The following ATP12A variants were observed in gnomAD, a reference collection of about 807,000 sequenced individuals.
The protein encoded by ATP12A is ATPase H+/K+ transporting non-gastric alpha2 subunit, also known as potassium-transporting ATPase alpha chain 2.
Under a neutral mutation model 111.2 loss-of-function variants are expected in ATP12A, and 81 were observed. The ratio of observed to expected loss-of-function variants is 0.73; its 90% CI spans 0.61 to 0.88. The LOEUF is 0.88. ATP12A is among the 40% of genes least tolerant of loss of function. The probability of loss-of-function intolerance (pLI) is 0.00; values close to 1 mark genes in which losing one functional copy is unlikely to be tolerated. For synonymous variants in ATP12A, 498 were observed against 499.8 expected (o/e 1.00, Z 0.05); for missense variants, 1,196 against 1,313.1 (o/e 0.91, Z 1.38).
intron 17 of ATP12A, among the ~76,000 whole-genome samples, chr13:24,708,932 A>G (rs926108548): frequency 7.0e-6 from 1 of 142,116 alleles, no homozygotes; most frequent in African/African-American, 2.8e-5. Flanking sequence ...AAAGAAAGAA[A>G]GAAAGAAAGA....
Position 24,690,319 on chromosome 13 carries a change from T to C in ATP12A, c.547-19T>C, listed in dbSNP as rs770196358. 6.8e-6 allele frequency: 11 copies of C among 1,612,324 alleles called. No individual in the cohort carries two copies. Among genetic ancestry groups the C allele is most frequent in the Admixed American group, 1.7e-5 (1 of 59,810 alleles). On this transcript the variant is annotated intron_variant, in intron 5 of 22. Coordinates refer to ENST00000381946, the MANE Select transcript of ATP12A (RefSeq NM_001676.7). ...GTCCTTCCAGGGTCTGAGGCATCTG[T>C]CATGGTTTTTTTCTGCAGCAAGCTC...
Position 24,680,728 on chromosome 13 carries a change from GCGCC to G in ATP12A, c.-15_-12del. On this transcript the variant is annotated 5_prime_UTR_variant, in exon 1 of 23. Coordinates refer to ENST00000381946, the MANE Select transcript of ATP12A (RefSeq NM_001676.7). ...CCGCGCTCCACGCCCGCAGCCCGCG[GCGCC>G]ACCAGCCCAGCATGCACCAGGTGCG... 6.7e-7 allele frequency: 1 copy of G among 1,501,950 alleles called. No homozygotes were observed. Among genetic ancestry groups the G allele is most frequent in the Non-Finnish European group, 8.8e-7 (1 of 1,132,934 alleles). 93.0% of individuals were successfully genotyped at this position (1,501,950 alleles called of 1,614,324 possible).
chr13:24,706,879 T>C (rs1202948216), intron 15 of ATP12A, 144 bp from the exon 16 acceptor site: 1 of 920,396 alleles, frequency 1.1e-6, no homozygotes, highest in Non-Finnish European at 1.6e-6. Flanking sequence ...TTCTCATCTT[T>C]ATCTTTTCCC....
intron 14 of ATP12A, 133 bp from the exon 15 acceptor site, chr13:24,706,180 C>G: frequency 8.4e-7 from 1 of 1,189,588 alleles, no homozygotes; most frequent in South Asian, 1.6e-5. Context: ...TGTTACCTCA[C>G]TAGAGCATTA....
At chr13:24,700,594 T>A (rs143422111) in intron 12 of ATP12A, among the ~76,000 whole-genome samples, 153 bp from the exon 13 acceptor site, 2 of 152,222 alleles carry the variant, frequency 1.3e-5, no homozygotes, top group African/African-American at 4.8e-5. Flanking sequence ...CCTAAAAAAA[T>A]GCATTATGGA....
intron 10 of ATP12A, among the ~76,000 whole-genome samples, chr13:24,693,911 C>T (rs956212593): frequency 6.6e-6 from 1 of 152,322 alleles, no homozygotes; most frequent in Non-Finnish European, 1.5e-5. Flanking sequence ...CCGGTTTATC[C>T]CTCCTGGGGT....
chr13:24,680,569 C>A lies in ATP12A; in HGVS notation c.-175C>A. On this transcript the variant is annotated 5_prime_UTR_variant, in exon 1 of 23. The change creates a new upstream start codon in the 5' untranslated region. Transcript: ENST00000381946. ...TGGTGCCACCTCCCCGGTGCAGCGGCTGGCGATCGGCCGCGGAGGTGCGTG... is the reference window on the plus strand; with the variant it reads ...TGGTGCCACCTCCCCGGTGCAGCGGATGGCGATCGGCCGCGGAGGTGCGTG... The A allele has an allele frequency of 1.6e-6, 1 of 627,240 alleles. No homozygotes were observed. Among genetic ancestry groups the A allele is most frequent in the Non-Finnish European group, 2.5e-6 (1 of 397,662 alleles). 38.9% of individuals were successfully genotyped at this position (627,240 alleles called of 1,614,324 possible). A position where few individuals can be genotyped will look rare whatever the true frequency, so the allele number is the denominator to read the frequency against.
chr13:24,694,306 C>CA, intron 10 of ATP12A, 138 bp from the exon 11 acceptor site: 2 of 1,112,736 alleles, frequency 1.8e-6, no homozygotes, highest in Non-Finnish European at 2.6e-6. Context: ...CACGGTCTTG[C>CA]GGCCCTCCCT....
At chr13:24,697,757 T>C (rs1875228146) in intron 11 of ATP12A, among the ~76,000 whole-genome samples, 1 of 152,110 alleles carries the variant, frequency 6.6e-6, no homozygotes, top group East Asian at 1.9e-4. Context: ...GTTGGTTGGT[T>C]GGTTTTCTCA....
intron 14 of ATP12A, among the ~76,000 whole-genome samples, chr13:24,705,458 G>A (rs774734198): frequency 2.0e-5 from 3 of 152,226 alleles, no homozygotes; most frequent in Non-Finnish European, 4.4e-5. Flanking sequence ...AGGCAGCTCT[G>A]CATAATCAAT....
At chr13:24,688,633 A>G in intron 4 of ATP12A, 111 bp downstream of exon 4, 1 of 1,096,084 alleles carries the variant, frequency 9.1e-7, no homozygotes. Flanking sequence ...AAAGTCAGGC[A>G]TTTTCCCAGC....
chr13:24,692,461 C>CAAG lies in ATP12A; in HGVS notation c.1107_1109dup (p.Lys369dup). The stretch of plus-strand genomic sequence containing the variant: ...TGTCGCTGACAGCAAAACGGATGGC[C>CAAG]AAGAAGAACTGCCTGGTGAAGAACC... On this transcript the variant is annotated inframe_insertion, in exon 9 of 23. Transcript: ENST00000381946. 1 of 1,614,036 alleles carries CAAG rather than the reference C, an allele frequency of 6.2e-7. No homozygotes were observed.
chr13:24,681,900 TGTG>T (rs2137684193), intron 2 of ATP12A, among the ~76,000 whole-genome samples, 180 bp downstream of exon 2: 1 of 149,668 alleles, frequency 6.7e-6, no homozygotes, highest in South Asian at 2.1e-4. Context: ...GTGGTGTATG[TGTG>T]GTGTGTGTGT....
At chr13:24,706,532 G>T (rs1413537387) in intron 15 of ATP12A, 69 bp downstream of exon 15, 1 of 1,562,076 alleles carries the variant, frequency 6.4e-7, no homozygotes, top group Non-Finnish European at 8.7e-7. Flanking sequence ...CAGAGGTCTG[G>T]ATCTCACATC....
chr13:24,690,580 A>C (rs1157964208), intron 6 of ATP12A, 24 bp from the exon 7 acceptor site: 1 of 1,604,756 alleles, frequency 6.2e-7, no homozygotes, highest in Non-Finnish European at 8.5e-7. Flanking sequence ...CCCAGCTGTG[A>C]ACCACCTTCA....
intron 2 of ATP12A, among the ~76,000 whole-genome samples, chr13:24,683,456 A>C (rs1874555765): frequency 6.6e-6 from 1 of 152,224 alleles, no homozygotes; most frequent in African/African-American, 2.4e-5. Context: ...AAGTATTCAG[A>C]AACTTGGCAG....
In ATP12A at chr13:24,711,327, C is replaced by G; in HGVS notation, c.3009C>G (p.Tyr1003Ter). The G allele has an allele frequency of 1.9e-6, 3 of 1,600,846 alleles. No homozygotes were observed. The highest frequency in any genetic ancestry group is 2.6e-6 in the Non-Finnish European group (3 of 1,172,756). ...ALSFTMLRAQ[Y>*]WFVAVPHAIL... ...ATCCCTTTGCTTCCAGGGCTCAGTA[C>G]TGGTTTGTGGCTGTGCCGCACGCCA... The change falls in exon 22 of 23, where the codon TAC becomes TAG. Residue 1003 changes from tyrosine (Y) to a stop codon, truncating the protein, a stop_gained. Transcript: ENST00000381946. LOFTEE classifies it high-confidence loss of function.
At chr13:24,690,496 C>T (rs1874841117) in intron 6 of ATP12A, 24 bp downstream of exon 6, 1 of 1,612,360 alleles carries the variant, frequency 6.2e-7, no homozygotes, top group Admixed American at 1.7e-5. Context: ...GGTATCCACC[C>T]CAAGGACCAT....
chr13:24,702,120 C>A, intron 14 of ATP12A, 49 bp downstream of exon 14: 1 of 1,611,370 alleles, frequency 6.2e-7, no homozygotes, highest in Non-Finnish European at 8.5e-7. Flanking sequence ...ACCCATGGGG[C>A]CCCACTGGCT....
Sources: allele counts gnomAD v4.1 joint callset (sites outside exome capture counted in the v4.1 genomes callset), GRCh38; gene constraint gnomAD v4.1.1; transcripts MANE v1.5; gene names NCBI Gene and HGNC (gene_info 2026-07-23, HGNC 2026-07-21).